EMP2: variants seen among roughly 807,000 people sequenced by gnomAD.
EMP2 encodes epithelial membrane protein 2.
Under a neutral mutation model 13.7 loss-of-function variants are expected in EMP2, and 19 were observed. The observed-to-expected ratio is 1.38, with a 90% CI of 0.97 to 2.03. The LOEUF (loss-of-function observed/expected upper bound fraction) is 2.03. Ranked by LOEUF, EMP2 falls within the 30% of genes most tolerant of loss-of-function variation. EMP2 has a pLI of 0.00. For missense variants in EMP2, 253 were observed against 220.7 expected (o/e 1.15, Z -0.93); for synonymous variants, 97 against 84.7 (o/e 1.15, Z -0.80).
At chr16:10,555,182 C>A (rs1110333) in intron 1 of EMP2, among the ~76,000 whole-genome samples, 45,791 of 152,056 alleles carry the variant, frequency 0.3, 7,851 homozygotes, top group Non-Finnish European at 0.39. Flanking sequence ...CCTGGCTACT[C>A]CTCCAATCAC....
chr16:10,553,859 A>G (rs2050807599), intron 1 of EMP2, among the ~76,000 whole-genome samples: 1 of 152,202 alleles, frequency 6.6e-6, no homozygotes, highest in Admixed American at 6.5e-5. Flanking sequence ...TTGCATTGAT[A>G]TATTTAAAGA....
At chr16:10,562,378 C>CTCTCTCTCTCTCTCTA (rs1312547668) in intron 1 of EMP2, among the ~76,000 whole-genome samples, 20 of 135,452 alleles carry the variant, frequency 1.5e-4, no homozygotes, top group Non-Finnish European at 2.1e-4. Context: ...CTCTCTCTCT[C>CTCTCTCTCTCTCTCTA]TCTATCTATC....
chr16:10,528,677 C>T lies in EMP2; in HGVS notation c.*4228G>A, dbSNP rs970211668. 1 of 152,114 alleles carries T rather than the reference C, an allele frequency of 6.6e-6. No individual in the cohort carries two copies. The highest frequency in any genetic ancestry group is 6.5e-5 in the Admixed American group (1 of 15,276). 9.4% of individuals were successfully genotyped at this position (152,114 alleles called of 1,614,324 possible). A position where few individuals can be genotyped will look rare whatever the true frequency, so the allele number is the denominator to read the frequency against. On this transcript the variant is annotated 3_prime_UTR_variant, in exon 5 of 5. Coordinates refer to ENST00000359543, the MANE Select transcript of EMP2 (RefSeq NM_001424.6). ...CATTAAGTAGAAAGTTTCTAACTAC[C>T]CTAAAGTCACAAACCAAGATTCAAA... is the stretch of plus-strand genomic sequence containing the variant.
At chr16:10,556,955 G>C (rs2050833247) in intron 1 of EMP2, among the ~76,000 whole-genome samples, 1 of 152,200 alleles carries the variant, frequency 6.6e-6, no homozygotes, top group Non-Finnish European at 1.5e-5. Context: ...TGTGTCCACT[G>C]AGCTTTGTAC....
intron 3 of EMP2, among the ~76,000 whole-genome samples, chr16:10,540,331 C>T (rs2050684649): frequency 6.6e-6 from 1 of 152,102 alleles, no homozygotes; most frequent in Non-Finnish European, 1.5e-5. Flanking sequence ...TATGGCAAAA[C>T]CCTGTCTCTA....
intron 1 of EMP2, among the ~76,000 whole-genome samples, chr16:10,566,538 T>C (rs2050907967): frequency 6.6e-6 from 1 of 152,194 alleles, no homozygotes; most frequent in Admixed American, 6.5e-5. Context: ...TTCCCACCAG[T>C]GATTTAATGT....
chr16:10,562,713 C>T (rs1357384255), intron 1 of EMP2, among the ~76,000 whole-genome samples: 2 of 152,200 alleles, frequency 1.3e-5, no homozygotes, highest in African/African-American at 2.4e-5. Context: ...GGAGATACTG[C>T]TGTATTAGAT....
At position 10,532,842 on chromosome 16, in the gene EMP2, A is replaced by G; in HGVS notation, c.*63T>C. On this transcript the variant is annotated 3_prime_UTR_variant, in exon 5 of 5. Transcript: ENST00000359543. ...AAAAACCTCAAAAAATAATGATTAT[A>G]TACAAAATGGTTATCTGAATGTGGA... 4 of 1,145,004 alleles carry G rather than the reference A, an allele frequency of 3.5e-6. No homozygotes were observed. Among genetic ancestry groups the G allele is most frequent in the Non-Finnish European group, 4.4e-6 (4 of 909,310 alleles). The allele number at this position is 1,145,004 out of a possible 1,614,324, so 70.9% of individuals were successfully genotyped here.
chr16:10,547,816 T>G (rs975737140), intron 1 of EMP2, 139 bp from the exon 2 acceptor site: 1 of 567,450 alleles, frequency 1.8e-6, no homozygotes, highest in Admixed American at 3.1e-5. Flanking sequence ...GAAGATCACT[T>G]GAGCCCAGGA....
intron 1 of EMP2, among the ~76,000 whole-genome samples, chr16:10,548,500 T>C (rs557204123): frequency 1.3e-5 from 2 of 152,184 alleles, no homozygotes; most frequent in Non-Finnish European, 2.9e-5. Context: ...TGAGACCAGC[T>C]TGGGCAACAG....
At chr16:10,546,428 A>G (rs1039349079) in intron 2 of EMP2, 4 of 152,244 alleles carry the variant, frequency 2.6e-5, no homozygotes, top group African/African-American at 9.6e-5. Flanking sequence ...TATTTATCCA[A>G]TACATTCCTG....
At chr16:10,553,544 T>C (rs1474257241) in intron 1 of EMP2, among the ~76,000 whole-genome samples, 1 of 152,088 alleles carries the variant, frequency 6.6e-6, no homozygotes, top group Non-Finnish European at 1.5e-5. Flanking sequence ...TTTCTTTGGC[T>C]GGAGGGGCCG....
intron 1 of EMP2, chr16:10,576,689 T>A (rs548395937): frequency 7.2e-4 from 109 of 152,240 alleles, no homozygotes; most frequent in African/African-American, 2.4e-3. Flanking sequence ...CCCTTTTAGA[T>A]CAACAGAAGC....
rs1292209841 is a variant in EMP2, at chr16:10,578,899, C to T, written c.-61+1650G>A. Among the ~76,000 whole-genome samples, 6 of 152,366 alleles carry T rather than the reference C, an allele frequency of 3.9e-5. No homozygotes were observed. In the East Asian group the frequency reaches 7.7e-4, roughly 20 times the overall value. On this transcript the variant is annotated intron_variant, in intron 1 of 4. Coordinates refer to ENST00000359543, the MANE Select transcript of EMP2 (RefSeq NM_001424.6). ...TTGCCAAGGCCCCCGTGGGCATCCA[C>T]GCCCTGTTTTCCCCAGAAGGGTCTC... is the stretch of plus-strand genomic sequence containing the variant.
chr16:10,555,352 T>A (rs777598522), intron 1 of EMP2, among the ~76,000 whole-genome samples: 9 of 152,190 alleles, frequency 5.9e-5, no homozygotes, highest in Non-Finnish European at 1.3e-4. Context: ...CAGAACATTC[T>A]AAAAGGCCAC....
chr16:10,533,595 A>C (rs2050625264), intron 4 of EMP2, among the ~76,000 whole-genome samples: 1 of 152,234 alleles, frequency 6.6e-6, no homozygotes, highest in African/African-American at 2.4e-5. Context: ...TGGTCACACA[A>C]GTCTGCCACA....
At chr16:10,574,061 C>G (rs1472778415) in intron 1 of EMP2, among the ~76,000 whole-genome samples, 1 of 151,264 alleles carries the variant, frequency 6.6e-6, no homozygotes, top group Non-Finnish European at 1.5e-5. Context: ...CCTCAGCCTC[C>G]CAAGTAGCTG....
intron 1 of EMP2, among the ~76,000 whole-genome samples, chr16:10,566,623 G>A (rs1472216297): frequency 3.3e-5 from 5 of 152,152 alleles, no homozygotes; most frequent in Non-Finnish European, 5.9e-5. Flanking sequence ...ATTAAACAGG[G>A]ATCTCTCTTC....
intron 4 of EMP2, among the ~76,000 whole-genome samples, chr16:10,536,868 G>A (rs562831025): frequency 1.1e-3 from 165 of 152,232 alleles, no homozygotes; most frequent in Middle Eastern, 3.4e-3. Flanking sequence ...CAGTCCTCCT[G>A]CATGGGCCTC....
Sources: gnomAD v4.1 joint callset for allele counts (sites outside exome capture counted in the v4.1 genomes callset) on GRCh38, gnomAD v4.1.1 for gene constraint, MANE v1.5 for transcripts, NCBI Gene and HGNC (gene_info 2026-07-23, HGNC 2026-07-21) for gene names.